MAPK10: variants seen among roughly 807,000 people sequenced by gnomAD.
MAPK10 encodes the protein JNK3 alpha protein kinase.
A neutral mutation model predicts 59.3 loss-of-function variants in MAPK10; 25 were observed. That is an observed-to-expected ratio of 0.42 (90% CI 0.31 to 0.59). The LOEUF (loss-of-function observed/expected upper bound fraction) is 0.59, where lower values mean the gene tolerates loss of function less well. Among genes scored for constraint, MAPK10 ranks in the 20% least tolerant of loss-of-function variants. The pLI, the probability that MAPK10 is intolerant of heterozygous loss-of-function variation, is 0.15. For synonymous variants in MAPK10, 190 were observed against 200.5 expected (o/e 0.95, Z 0.44); for missense variants, 351 against 568.9 (o/e 0.62, Z 3.90).
At chr4:86,369,040 C>A (rs1435857532) in intron 1 of MAPK10, among the ~76,000 whole-genome samples, 1 of 152,156 alleles carries the variant, frequency 6.6e-6, no homozygotes, top group Non-Finnish European at 1.5e-5. Context: ...CCATACACAT[C>A]TGTAGCATTT....
At chr4:86,029,824 TC>T (rs2038542402) in intron 12 of MAPK10, among the ~76,000 whole-genome samples, 2 of 151,836 alleles carry the variant, frequency 1.3e-5, no homozygotes, top group African/African-American at 4.9e-5. Context: ...TTTTTTTTTT[TC>T]CAGACTCATA....
chr4:86,223,349 C>T (rs896359174), intron 2 of MAPK10, among the ~76,000 whole-genome samples: 4 of 152,136 alleles, frequency 2.6e-5, no homozygotes, highest in African/African-American at 9.7e-5. Flanking sequence ...ATCTGGATCA[C>T]CTATAATGGC....
chr4:86,494,116 C>T (rs1022525956), intron 1 of MAPK10, among the ~76,000 whole-genome samples: 1 of 152,208 alleles, frequency 6.6e-6, no homozygotes, highest in East Asian at 1.9e-4. Context: ...TCTCTGGCTT[C>T]TTTCTCCATG....
At chr4:86,086,619 CTT>C (rs2051931435) in intron 9 of MAPK10, among the ~76,000 whole-genome samples, 1 of 151,982 alleles carries the variant, frequency 6.6e-6, no homozygotes, top group Non-Finnish European at 1.5e-5. Context: ...TTTGAGAATG[CTT>C]TTATATAAAT....
At chr4:86,046,926 G>C (rs1560955964) in intron 11 of MAPK10, among the ~76,000 whole-genome samples, 1 of 152,048 alleles carries the variant, frequency 6.6e-6, no homozygotes, top group Non-Finnish European at 1.5e-5. Flanking sequence ...AATTCTAGTT[G>C]ATGAGACAGA....
rs546847995 is a variant in MAPK10, at chr4:86,332,372, T to A, written c.-7+22158A>T. ...TATTCTAAAAAGTTTTAAAATCTCA[T>A]CAAACACATGCTGTGGATTTAGGAT... is the stretch of plus-strand genomic sequence containing the variant. On this transcript the variant is annotated intron_variant, in intron 2 of 13. Coordinates refer to ENST00000641462, the MANE Select transcript of MAPK10 (RefSeq NM_138982.4). Among the ~76,000 whole-genome samples the A allele has an allele frequency of 7.9e-5, 12 of 152,244 alleles. No homozygotes were observed. The South Asian group carries it at 2.3e-3, about 29-fold the overall frequency.
intron 1 of MAPK10, among the ~76,000 whole-genome samples, chr4:86,448,775 A>G (rs1750352991): frequency 6.6e-6 from 1 of 152,138 alleles, no homozygotes; most frequent in Non-Finnish European, 1.5e-5. Context: ...CATTATTTCT[A>G]TTATTATTAC....
At chr4:86,088,534 T>C (rs937858673) in intron 9 of MAPK10, among the ~76,000 whole-genome samples, 5 of 152,166 alleles carry the variant, frequency 3.3e-5, no homozygotes, top group Non-Finnish European at 7.4e-5. Flanking sequence ...GAATCACTTT[T>C]ACTTATTCAA....
intron 1 of MAPK10, among the ~76,000 whole-genome samples, chr4:86,501,133 A>ACC (rs1755288718): frequency 6.6e-6 from 1 of 150,554 alleles, no homozygotes; most frequent in African/African-American, 2.5e-5. Flanking sequence ...AAAAAAAAAA[A>ACC]AAAAAAACTT....
chr4:86,366,446 A>G (rs1186999628), intron 1 of MAPK10, among the ~76,000 whole-genome samples: 1 of 152,164 alleles, frequency 6.6e-6, no homozygotes, highest in Admixed American at 6.5e-5. Flanking sequence ...CCTCTTGGGA[A>G]AGAGGAAAAT....
intron 2 of MAPK10, among the ~76,000 whole-genome samples, chr4:86,279,865 A>G (rs1201622134): frequency 6.6e-6 from 1 of 152,168 alleles, no homozygotes; most frequent in Non-Finnish European, 1.5e-5. Context: ...TTTCCCGCCC[A>G]TCTTCCAACC....
At chr4:86,436,227 T>G (rs879870775) in intron 1 of MAPK10, among the ~76,000 whole-genome samples, 4 of 152,314 alleles carry the variant, frequency 2.6e-5, no homozygotes, top group African/African-American at 9.6e-5. Flanking sequence ...GAGTAACTCC[T>G]GGGTGGCCAA....
At chr4:86,309,408 G>A (rs2148865805) in intron 2 of MAPK10, among the ~76,000 whole-genome samples, 1 of 152,278 alleles carries the variant, frequency 6.6e-6, no homozygotes, top group East Asian at 1.9e-4. Flanking sequence ...TATAATAGGT[G>A]AAGGAGGCAT....
chr4:86,152,325 G>C (rs1179989329), intron 4 of MAPK10: 1 of 142,306 alleles, frequency 7.0e-6, no homozygotes, highest in Non-Finnish European at 1.5e-5. Flanking sequence ...TAAGGTACAT[G>C]TATTTAAATA....
chr4:86,376,747 G>A (rs866404260), intron 1 of MAPK10, among the ~76,000 whole-genome samples: 2 of 152,104 alleles, frequency 1.3e-5, no homozygotes, highest in Admixed American at 6.5e-5. Context: ...AAGCTAAATC[G>A]AGTCTCTTAA....
intron 1 of MAPK10, among the ~76,000 whole-genome samples, chr4:86,466,559 T>A (rs1752224664): frequency 6.6e-6 from 1 of 152,222 alleles, no homozygotes; most frequent in Non-Finnish European, 1.5e-5. Context: ...CTTGGCAGTG[T>A]AATTGATTAA....
At chr4:86,194,296 G>A (rs2080750313) in intron 3 of MAPK10, 40 bp downstream of exon 3, 8 of 1,478,568 alleles carry the variant, frequency 5.4e-6, no homozygotes, top group Admixed American at 1.7e-5. Flanking sequence ...AAATACAAGG[G>A]AATATACTGT....
At chr4:86,384,718 A>G (rs889891958) in intron 1 of MAPK10, among the ~76,000 whole-genome samples, 11 of 152,202 alleles carry the variant, frequency 7.2e-5, no homozygotes, top group African/African-American at 2.7e-4. Context: ...AGATTTGCCA[A>G]CTGTAGGATT....
chr4:86,206,191 C>T (rs1289766648), intron 2 of MAPK10, among the ~76,000 whole-genome samples: 3 of 151,684 alleles, frequency 2.0e-5, no homozygotes, highest in Admixed American at 2.0e-4. Context: ...GCTATCCCTC[C>T]CCCGTCCCCC....
Sources: allele counts gnomAD v4.1 joint callset (sites outside exome capture counted in the v4.1 genomes callset), GRCh38; gene constraint gnomAD v4.1.1; transcripts MANE v1.5; gene names NCBI Gene and HGNC (gene_info 2026-07-23, HGNC 2026-07-21).